OPN5: variants seen among roughly 807,000 people sequenced by gnomAD.
OPN5 encodes the protein opsin 5.
A neutral mutation model predicts 41.7 loss-of-function variants in OPN5; 18 were observed. The ratio of observed to expected loss-of-function variants is 0.43; its 90% CI spans 0.30 to 0.64. OPN5 has a LOEUF of 0.64. OPN5 is among the 30% of genes least tolerant of loss of function. The probability of loss-of-function intolerance (pLI) is 0.13; values close to 1 mark genes in which losing one functional copy is unlikely to be tolerated. For synonymous variants in OPN5, 178 were observed against 164.3 expected, an observed-to-expected ratio of 1.08 and a Z score of -0.64; for missense variants, 318 against 434.5, an observed-to-expected ratio of 0.73 and a Z score of 2.38.
chr6:47,790,299 T>G lies in OPN5; in HGVS notation c.251-1503T>G, dbSNP rs116051644. 3.7e-3 allele frequency among the ~76,000 whole-genome samples: 563 copies of G among 152,284 alleles called. 5 individuals are homozygous for G. The highest frequency in any genetic ancestry group is 9.5e-3 in the South Asian group (46 of 4,824). ...AATATATAAAACAGGTGAAAAAAATTATCTTTCCTGATTGACAGAAGGTGG... is the reference window on the plus strand; with the variant it reads ...AATATATAAAACAGGTGAAAAAAATGATCTTTCCTGATTGACAGAAGGTGG... On this transcript the variant is annotated intron_variant, in intron 2 of 6. Transcript: ENST00000371211.
rs765209217 is a variant in OPN5, at chr6:47,791,785, G to C, written c.251-17G>C. The stretch of plus-strand genomic sequence containing the variant: ...TAACCAGAGGAACGTCTGTTGACAA[G>C]TCACTTGGTGCTCTAGTTGTAGGCA... On this transcript the variant is annotated splice_polypyrimidine_tract_variant and intron_variant, in intron 2 of 6. Coordinates refer to ENST00000371211, the Ensembl canonical transcript of OPN5. The C allele has an allele frequency of 1.9e-6, 3 of 1,612,782 alleles. 1 individual carries two copies. The South Asian group carries it at 3.3e-5, about 18-fold the overall frequency.
At chr6:47,809,439 A>G (rs947058795) in intron 5 of OPN5, among the ~76,000 whole-genome samples, 1 of 152,202 alleles carries the variant, frequency 6.6e-6, no homozygotes, top group Non-Finnish European at 1.5e-5. Flanking sequence ...GGTCAAATGA[A>G]AAGATGACAA....
Position 47,811,751 on chromosome 6 carries a change from A to G in OPN5, c.1056+20A>G. 6.4e-7 allele frequency: 1 copy of G among 1,551,074 alleles called. No homozygotes were observed. The highest frequency in any genetic ancestry group is 1.1e-5 in the South Asian group (1 of 89,668). On this transcript the variant is annotated intron_variant, in intron 6 of 6. Transcript: ENST00000371211. ...GAAGAGGTATGAAGATGGATACAGC[A>G]TCACTATGGACACTCGTATTCACTT... is the stretch of plus-strand genomic sequence containing the variant.
At chr6:47,786,378 T>C in intron 1 of OPN5, 137 bp from the exon 2 acceptor site, 1 of 633,674 alleles carries the variant, frequency 1.6e-6, no homozygotes, top group Non-Finnish European at 2.7e-6. Flanking sequence ...ATCTTCTTAA[T>C]TTAGATTTTT....
chr6:47,783,280 G>A (rs1423594195), intron 1 of OPN5, among the ~76,000 whole-genome samples: 2 of 152,094 alleles, frequency 1.3e-5, no homozygotes, highest in Non-Finnish European at 2.9e-5. Context: ...CAGTGTGAAG[G>A]TGGGTTATGT....
intron 4 of OPN5, among the ~76,000 whole-genome samples, chr6:47,801,273 G>A (rs936390334): frequency 6.6e-6 from 1 of 152,218 alleles, no homozygotes; most frequent in Non-Finnish European, 1.5e-5. Context: ...AATAAACTAA[G>A]TTAATCTAAT....
intron 4 of OPN5, 91 bp from the exon 5 acceptor site, chr6:47,808,063 G>T: frequency 8.2e-7 from 1 of 1,220,904 alleles, no homozygotes; most frequent in South Asian, 1.3e-5. Context: ...GGCTGTGAGA[G>T]GTGACCTGAT....
chr6:47,791,866 C>T (rs1273577500), exon 3 of OPN5: 2 of 1,614,062 alleles, frequency 1.2e-6, no homozygotes, highest in South Asian at 2.2e-5. Flanking sequence ...GCTGGATCGG[C>T]TGCCGCTGGT....
exon 5 of OPN5, chr6:47,808,210 G>A (rs1258567577): frequency 1.9e-6 from 3 of 1,613,612 alleles, no homozygotes; most frequent in African/African-American, 2.7e-5. Context: ...ATGCAGTGGT[G>A]TCTGTGTGGT....
chr6:47,791,911 C>G (rs1472062728), exon 3 of OPN5: 5 of 1,613,896 alleles, frequency 3.1e-6, no homozygotes, highest in Admixed American at 1.7e-5. Flanking sequence ...GCTGTGGAAG[C>G]CTTATCACCA....
chr6:47,801,979 A>G (rs976170399), intron 4 of OPN5, among the ~76,000 whole-genome samples: 15 of 152,344 alleles, frequency 9.8e-5, no homozygotes, highest in African/African-American at 3.4e-4. Context: ...TAGCTCCTTG[A>G]GAGGTGTTAC....
At chr6:47,820,037 G>T (rs1762569189) in intron 6 of OPN5, among the ~76,000 whole-genome samples, 1 of 152,048 alleles carries the variant, frequency 6.6e-6, no homozygotes, top group South Asian at 2.1e-4. Context: ...CACTCCAGTT[G>T]CTCTATTCAA....
At chr6:47,823,797 C>T (rs78752830) in intron 6 of OPN5, among the ~76,000 whole-genome samples, 186 bp from the exon 7 acceptor site, 2 of 152,112 alleles carry the variant, frequency 1.3e-5, no homozygotes, top group East Asian at 3.9e-4. Context: ...GGGAACAGGG[C>T]AGGATGCACC....
At chr6:47,798,962 A>C (rs9473187) in intron 4 of OPN5, among the ~76,000 whole-genome samples, 22,446 of 152,066 alleles carry the variant, frequency 0.15, 1,776 homozygotes, top group Middle Eastern at 0.17. Context: ...AGTTTACCTT[A>C]CGGGATTCTG....
chr6:47,822,772 C>G (rs1313790275), intron 6 of OPN5, among the ~76,000 whole-genome samples: 1 of 152,178 alleles, frequency 6.6e-6, no homozygotes, highest in Non-Finnish European at 1.5e-5. Flanking sequence ...CATGAATTAA[C>G]ATCATTACAG....
At position 47,791,714 on chromosome 6, in the gene OPN5, C is replaced by A. The variant is rs958416686; in HGVS notation, c.251-88C>A. Reference sequence around the variant, plus strand: ...GTGTGCGTTCACATGTGTCCCCGTGCTTTAGGGGAGGAGGTTCAGGTGAGT... The same window carrying A: ...GTGTGCGTTCACATGTGTCCCCGTGATTTAGGGGAGGAGGTTCAGGTGAGT... On this transcript the variant is annotated intron_variant, in intron 2 of 6. Transcript: ENST00000371211. 6 of 1,083,458 alleles carry A rather than the reference C, an allele frequency of 5.5e-6. No individual in the cohort carries two copies. In the African/African-American group the frequency reaches 9.4e-5, roughly 17 times the overall value. The allele number at this position is 1,083,458 out of a possible 1,614,324, so 67.1% of individuals were successfully genotyped here.
chr6:47,795,437 C>T (rs1348257335), exon 4 of OPN5: 2 of 1,614,002 alleles, frequency 1.2e-6, no homozygotes, highest in African/African-American at 2.7e-5. Context: ...GCCTCTTGCT[C>T]CCAACGGCTG....
chr6:47,812,365 G>C (rs907272117), intron 6 of OPN5, among the ~76,000 whole-genome samples: 2 of 152,180 alleles, frequency 1.3e-5, no homozygotes, highest in Non-Finnish European at 1.5e-5. Context: ...TTCTCATTAA[G>C]TTCTACTTAC....
At chr6:47,792,100 T>G in intron 3 of OPN5, 128 bp downstream of exon 3, 2 of 657,202 alleles carry the variant, frequency 3.0e-6, no homozygotes, top group Admixed American at 6.2e-5. Context: ...ATATTTCTAT[T>G]TATAGCCTAT....
Sources: gnomAD v4.1 joint callset for allele counts (sites outside exome capture counted in the v4.1 genomes callset) on GRCh38, gnomAD v4.1.1 for gene constraint, MANE v1.5 for transcripts, NCBI Gene and HGNC (gene_info 2026-07-23, HGNC 2026-07-21) for gene names.